Variants in RBM38 observed in about 807,000 individuals in gnomAD.
The protein encoded by RBM38 is RNA-binding protein 38.
A neutral mutation model predicts 23.5 loss-of-function variants in RBM38; 11 were observed. The observed-to-expected ratio is 0.47, with a 90% CI of 0.29 to 0.77. The LOEUF is 0.77. Among genes scored for constraint, RBM38 ranks in the 30% least tolerant of loss-of-function variants. The pLI is 0.08. For synonymous variants in RBM38, 165 were observed against 166.1 expected, an observed-to-expected ratio of 0.99 and a Z score of 0.05; for missense variants, 330 against 351.9, an observed-to-expected ratio of 0.94 and a Z score of 0.50.
At chr20:57,405,072 C>T (rs2067367833) in intron 3 of RBM38, among the ~76,000 whole-genome samples, 1 of 152,242 alleles carries the variant, frequency 6.6e-6, no homozygotes, top group Admixed American at 6.5e-5. Context: ...TGCTGCTCCC[C>T]TGTGGCCAGC....
Position 57,407,577 on chromosome 20 carries a change from G to T in RBM38, c.451G>T (p.Val151Leu). 1 of 1,613,734 alleles carries T rather than the reference G, an allele frequency of 6.2e-7. No individual in the cohort carries two copies. The highest frequency in any genetic ancestry group is 1.1e-5 in the South Asian group (1 of 91,054). The change falls in exon 4 of 4, where the codon GTG (valine) becomes TTG (leucine). Residue 151 changes from valine (V) to leucine (L), a missense_variant. By Grantham distance (32) the Val-to-Leu change is conservative (BLOSUM62 1). This residue lies in a region of RBM38 where 227 missense variants were observed against 216.4 expected (regional missense o/e 1.05). Coordinates refer to ENST00000356208, the MANE Select transcript of RBM38 (RefSeq NM_017495.6). The surrounding 1 kb of genome is among the most constrained non-coding windows in gnomAD (Gnocchi z 4.0). ...GCACTACATCTACCCACCAGCCATC[G>T]TGCAGCCCAGCGTGGTGATCCCAGC... ...TPHYIYPPAI[V>L]QPSVVIPAAP... is the part of the protein sequence containing the mutation.
At chr20:57,396,267 G>T (rs1363427610) in intron 3 of RBM38, among the ~76,000 whole-genome samples, 1 of 152,206 alleles carries the variant, frequency 6.6e-6, no homozygotes, top group Non-Finnish European at 1.5e-5. Context: ...CGGTTTGGAG[G>T]AGCCTTCCTC....
chr20:57,400,013 T>C (rs529983836), intron 3 of RBM38: 1 of 456,154 alleles, frequency 2.2e-6, no homozygotes, highest in South Asian at 1.5e-5. Context: ...GTGGGCAGCA[T>C]GTGTCCCCAG....
At chr20:57,400,704 A>G (rs2146212215) in intron 3 of RBM38, among the ~76,000 whole-genome samples, 1 of 151,944 alleles carries the variant, frequency 6.6e-6, no homozygotes, top group East Asian at 1.9e-4. Flanking sequence ...ACGTGGTGGG[A>G]TTAATTCTCT....
chr20:57,400,925 C>T (rs1450496908), intron 3 of RBM38, among the ~76,000 whole-genome samples: 1 of 152,172 alleles, frequency 6.6e-6, no homozygotes, highest in South Asian at 2.1e-4. Context: ...GCGCGTGGGA[C>T]TCCAGCAGCG....
chr20:57,395,743 C>G (rs931087439), intron 3 of RBM38, among the ~76,000 whole-genome samples: 17 of 152,234 alleles, frequency 1.1e-4, no homozygotes, highest in African/African-American at 4.1e-4. Context: ...TGCCCCCAGC[C>G]CCCGCCCGCT....
intron 3 of RBM38, among the ~76,000 whole-genome samples, chr20:57,398,407 G>A (rs978782555): frequency 1.3e-5 from 2 of 152,188 alleles, no homozygotes; most frequent in African/African-American, 2.4e-5. Context: ...TCGCCGTGGC[G>A]GGCACAGGGT....
intron 3 of RBM38, among the ~76,000 whole-genome samples, chr20:57,406,134 C>T (rs2067381243): frequency 1.3e-5 from 2 of 152,232 alleles, no homozygotes; most frequent in African/African-American, 4.8e-5. Context: ...GAAGACCACT[C>T]CGTGCCTCGG....
At chr20:57,393,982 T>C (rs1555274) in intron 3 of RBM38, among the ~76,000 whole-genome samples, 9,731 of 151,944 alleles carry the variant, frequency 0.064, 624 homozygotes, top group African/African-American at 0.17. Context: ...TGGCAGCTGC[T>C]TGGGGAGGGA....
chr20:57,408,917 T>TG lies in RBM38; in HGVS notation c.*1079dup, dbSNP rs148626444. The TG allele has an allele frequency of 0.017, 2,658 of 152,506 alleles. 74 individuals carry two copies. The highest frequency in any genetic ancestry group is 0.06 in the African/African-American group (2,496 of 41,478). The allele number at this position is 152,506 out of a possible 1,614,324, so 9.4% of individuals were successfully genotyped here. A position where few individuals can be genotyped will look rare whatever the true frequency, so the allele number is the denominator to read the frequency against. On this transcript the variant is annotated 3_prime_UTR_variant, in exon 4 of 4. Coordinates refer to ENST00000356208, the MANE Select transcript of RBM38 (RefSeq NM_017495.6). Reference sequence around the variant, plus strand: ...GGTCTAGACCATGGTGGTGCCAGCCTGGGGGGGGCAGTGGCCCTCAGCTCT... The same window carrying TG: ...GGTCTAGACCATGGTGGTGCCAGCCTGGGGGGGGGCAGTGGCCCTCAGCTCT...
chr20:57,400,486 G>T (rs991673921), intron 3 of RBM38, among the ~76,000 whole-genome samples: 1 of 152,160 alleles, frequency 6.6e-6, no homozygotes, highest in African/African-American at 2.4e-5. Flanking sequence ...CGTTTCAGTG[G>T]CTCCGTGATT....
chr20:57,394,503 C>T (rs2067254449), intron 3 of RBM38, among the ~76,000 whole-genome samples: 1 of 152,164 alleles, frequency 6.6e-6, no homozygotes, highest in African/African-American at 2.4e-5. Flanking sequence ...CTGAGGGGTG[C>T]TGGAGGGTGG....
At chr20:57,406,811 G>A (rs1006530025) in intron 3 of RBM38, among the ~76,000 whole-genome samples, 1 of 152,112 alleles carries the variant, frequency 6.6e-6, no homozygotes, top group Non-Finnish European at 1.5e-5. Context: ...GGCTAACACG[G>A]TGAAACCTCA....
At chr20:57,404,229 C>T (rs1421422589) in intron 3 of RBM38, among the ~76,000 whole-genome samples, 1 of 152,230 alleles carries the variant, frequency 6.6e-6, no homozygotes, top group East Asian at 1.9e-4. Context: ...TGTTCTGTGT[C>T]CCTGGTCTGG....
At chr20:57,401,244 T>A (rs1423971870) in intron 3 of RBM38, among the ~76,000 whole-genome samples, 1 of 152,126 alleles carries the variant, frequency 6.6e-6, no homozygotes, top group Non-Finnish European at 1.5e-5. Flanking sequence ...AAGCAATAGA[T>A]CCTCACAGCA....
chr20:57,392,903 AGCCG>A, intron 2 of RBM38, 126 bp downstream of exon 2: 2 of 1,288,828 alleles, frequency 1.6e-6, no homozygotes, highest in Non-Finnish European at 2.2e-6. Context: ...GTGCCTGCAG[AGCCG>A]GCACAGGGCA....
intron 3 of RBM38, among the ~76,000 whole-genome samples, chr20:57,406,987 C>CT (rs2067391564): frequency 7.3e-6 from 1 of 137,656 alleles, no homozygotes; most frequent in Non-Finnish European, 1.5e-5. Context: ...GAGCGAGACT[C>CT]TGTCTCAAAA....
chr20:57,393,452 T>A, intron 3 of RBM38, 119 bp downstream of exon 3: 1 of 1,130,028 alleles, frequency 8.8e-7, no homozygotes. Flanking sequence ...TGATTGCGTT[T>A]AAGCCAAGGG....
chr20:57,400,542 G>GAACCCCTGAGTC (rs1349103340), intron 3 of RBM38, among the ~76,000 whole-genome samples: 1 of 152,166 alleles, frequency 6.6e-6, no homozygotes, highest in Non-Finnish European at 1.5e-5. Flanking sequence ...GGGAAGCAGA[G>GAACCCCTGAGTC]AACCCCTGAG....
Sources: gnomAD v4.1 joint callset for allele counts (sites outside exome capture counted in the v4.1 genomes callset) on GRCh38, gnomAD v4.1.1 for gene constraint, gnomAD v4.1.1 regional missense constraint, Gnocchi (gnomAD v3.1) non-coding constraint, MANE v1.5 for transcripts, NCBI Gene and HGNC (gene_info 2026-07-23, HGNC 2026-07-21) for gene names.